CEP350: variants seen among roughly 807,000 people sequenced by gnomAD.
CEP350 encodes the protein centrosomal protein 350, also known as centrosome-associated protein 350.
In CEP350, 126 loss-of-function variants were observed where a neutral mutation model predicts 331.8. The observed-to-expected ratio is 0.38, with a 90% CI of 0.33 to 0.44. The LOEUF is 0.44. Ranked by LOEUF, CEP350 falls within the 20% of genes least tolerant of loss-of-function variation. The pLI, the probability that CEP350 is intolerant of heterozygous loss-of-function variation, is 1.00. For synonymous variants in CEP350, 1,200 were observed against 1,259.5 expected (o/e 0.95, Z 1.00); for missense variants, 3,406 against 3,634.6 (o/e 0.94, Z 1.62).
In CEP350 at chr1:180,110,986, C is replaced by T. The variant is rs1661443779; in HGVS notation, c.9190-11C>T. 2 of 1,612,270 alleles carry T rather than the reference C, an allele frequency of 1.2e-6. No homozygotes were observed. The highest frequency in any genetic ancestry group is 1.7e-4 in the Middle Eastern group (1 of 6,052). On this transcript the variant is annotated splice_polypyrimidine_tract_variant and intron_variant, in intron 37 of 37. Coordinates refer to ENST00000367607, the MANE Select transcript of CEP350 (RefSeq NM_014810.5). ...AGGAATTTTCTAACCTTATTGTCTT[C>T]TAAATCCTAGGTTCAGGAGCTCCAT... is the stretch of plus-strand genomic sequence containing the variant.
intron 1 of CEP350, among the ~76,000 whole-genome samples, chr1:179,975,378 C>T (rs558976442): frequency 6.6e-6 from 1 of 152,214 alleles, no homozygotes; most frequent in East Asian, 1.9e-4. Context: ...ATCAGAATTG[C>T]TAGGTTCTGT....
chr1:180,067,226 A>G (rs1395218358), intron 27 of CEP350, among the ~76,000 whole-genome samples: 2 of 152,082 alleles, frequency 1.3e-5, no homozygotes, highest in Non-Finnish European at 2.9e-5. Context: ...TTATTCCTCT[A>G]CCTTTCCTTG....
intron 32 of CEP350, among the ~76,000 whole-genome samples, chr1:180,088,775 G>A (rs980413833): frequency 1.3e-5 from 2 of 152,066 alleles, no homozygotes; most frequent in African/African-American, 4.8e-5. Flanking sequence ...AATAATACCT[G>A]GTTAATACAC....
At chr1:179,999,806 C>T (rs566889840) in intron 6 of CEP350, among the ~76,000 whole-genome samples, 51 of 152,218 alleles carry the variant, frequency 3.4e-4, no homozygotes, top group Non-Finnish European at 5.7e-4. Flanking sequence ...CAGTTATTAG[C>T]ATACTAAACT....
In CEP350 at chr1:180,094,232, T is replaced by G; in HGVS notation, c.8127T>G (p.Ala2709=). 3 of 1,613,016 alleles carry G rather than the reference T, an allele frequency of 1.9e-6. No individual in the cohort carries two copies. The highest frequency in any genetic ancestry group is 1.7e-6 in the Non-Finnish European group (2 of 1,179,518). The stretch of plus-strand genomic sequence containing the variant: ...CAGAAGAGGAAGACAACCTATATGC[T>G]GAAGCTTCAGAAAAGCTTTGTACAC... ...QFTEEEDNLY[A]EASEKLCTPL... Residue 2709 remains alanine, a synonymous_variant, in exon 34 of 38, where the codon GCT becomes GCG. Coordinates refer to ENST00000367607, the MANE Select transcript of CEP350 (RefSeq NM_014810.5).
rs1660280629 is a variant in CEP350 at position 180,092,888 on chromosome 1, A to C, written c.6783A>C (p.Ile2261=). ...ESSKKSEIKE[I]EYTKLKKSKI... The stretch of plus-strand genomic sequence containing the variant: ...GTAAAAAATCAGAAATAAAAGAAAT[A>C]GAGTATACAAAATTGAAGAAGAGTA... The change falls in exon 34 of 38, where the codon ATA becomes ATC. Residue 2261 remains isoleucine, a synonymous_variant. Coordinates refer to ENST00000367607, the MANE Select transcript of CEP350 (RefSeq NM_014810.5). 6.4e-7 allele frequency: 1 copy of C among 1,569,372 alleles called. No homozygotes were observed. The highest frequency in any genetic ancestry group is 1.2e-5 in the South Asian group (1 of 85,578).
chr1:180,088,965 C>T (rs1187716150), intron 32 of CEP350, among the ~76,000 whole-genome samples: 2 of 152,136 alleles, frequency 1.3e-5, no homozygotes, highest in African/African-American at 2.4e-5. Context: ...GATATGTTTC[C>T]TTCCAGGATT....
chr1:180,024,787 A>G (rs1203339277), intron 14 of CEP350, among the ~76,000 whole-genome samples: 1 of 152,200 alleles, frequency 6.6e-6, no homozygotes, highest in East Asian at 1.9e-4. Flanking sequence ...TACATTTGCA[A>G]TGATAAAAAA....
intron 25 of CEP350, among the ~76,000 whole-genome samples, chr1:180,061,654 G>A (rs921135189): frequency 1.3e-5 from 2 of 152,182 alleles, no homozygotes; most frequent in African/African-American, 4.8e-5. Flanking sequence ...AATGTTTCTG[G>A]TAGCATTGTA....
intron 1 of CEP350, among the ~76,000 whole-genome samples, chr1:179,970,093 C>G (rs920345213): frequency 6.6e-6 from 1 of 152,006 alleles, no homozygotes. Flanking sequence ...TGTTTGCTGC[C>G]CTCAGCTCTC....
At chr1:179,955,202 G>A in intron 1 of CEP350, 60 bp downstream of exon 1, 1 of 1,245,304 alleles carries the variant, frequency 8.0e-7, no homozygotes, top group South Asian at 1.6e-5. Flanking sequence ...AACTGTCTCT[G>A]TCCGCGGTCC....
In CEP350 at chr1:180,042,132, T is replaced by TCACACACACACA. The variant is rs59048123; in HGVS notation, c.4362+355_4362+366dup. On this transcript the variant is annotated intron_variant, in intron 19 of 37. Transcript: ENST00000367607. The stretch of plus-strand genomic sequence containing the variant: ...AGTATGCAATTTGGTGAGTTTTCTC[T>TCACACACACACA]CACACACACACACACACACACACAC... 3.5e-4 allele frequency among the ~76,000 whole-genome samples: 51 copies of TCACACACACACA among 146,868 alleles called. 1 individual carries two copies. The highest frequency in any genetic ancestry group is 3.3e-3 in the South Asian group (15 of 4,500).
At chr1:180,056,662 A>G (rs185639678) in intron 25 of CEP350, among the ~76,000 whole-genome samples, 47 of 151,910 alleles carry the variant, frequency 3.1e-4, no homozygotes, top group African/African-American at 1.0e-3. Context: ...GGGTTTCGCC[A>G]TGTTACCCAG....
chr1:180,071,154 A>AG (rs1418894789), intron 27 of CEP350, among the ~76,000 whole-genome samples: 2 of 150,464 alleles, frequency 1.3e-5, no homozygotes, highest in African/African-American at 4.9e-5. Flanking sequence ...CTCAAAAAAA[A>AG]AAAAAAAAAA....
chr1:180,090,299 C>A (rs889373650), intron 32 of CEP350, among the ~76,000 whole-genome samples: 24 of 151,996 alleles, frequency 1.6e-4, no homozygotes, highest in Non-Finnish European at 2.8e-4. Context: ...GTAATCCCAG[C>A]CCTTTGGGAG....
intron 14 of CEP350, among the ~76,000 whole-genome samples, chr1:180,029,837 C>A (rs913154660): frequency 6.6e-6 from 1 of 152,188 alleles, no homozygotes; most frequent in Admixed American, 6.5e-5. Context: ...CTCCTCTTCT[C>A]CCAGCACCTA....
At position 180,020,628 on chromosome 1, in the gene CEP350, T is replaced by C. The variant is rs144682847; in HGVS notation, c.2854T>C (p.Cys952Arg). Residue 952 changes from cysteine (C) to arginine (R), a missense_variant, in exon 12 of 38, where the codon TGT (cysteine) becomes CGT (arginine). By Grantham distance (180) the Cys-to-Arg change is radical. This residue lies in a region of CEP350 where 1,857 missense variants were observed against 1,909.2 expected (regional missense o/e 0.97). Transcript: ENST00000367607. ...PKPEGLLAQLCKRQTDSSSSD... is the reference protein window; with the variant it reads ...PKPEGLLAQLRKRQTDSSSSD... ...ACCAGAAGGGCTACTGGCACAGTTA[T>C]GTAAAAGGCAGACTGACTCTTCTAG... 8.7e-6 allele frequency: 14 copies of C among 1,613,840 alleles called. No individual in the cohort carries two copies. The African/African-American group carries it at 1.7e-4, about 20-fold the overall frequency.
chr1:180,022,718 A>G lies in CEP350; in HGVS notation c.3256A>G (p.Arg1086Gly). 2.5e-6 allele frequency: 4 copies of G among 1,612,598 alleles called. No homozygotes were observed. The highest frequency in any genetic ancestry group is 3.4e-6 in the Non-Finnish European group (4 of 1,179,220). ...GTCAGGGTTTGAAGACAAGTTGGAC[A>G]GAGGAACATCAACATCACGGCCTTT... ...YGKGFEDKLD[R>G]GTSTSRPLNA... Residue 1086 changes from arginine (R) to glycine (G), a missense_variant, in exon 13 of 38, where the codon AGA becomes GGA. Arg to Gly is a moderately radical substitution (Grantham distance 125). Around this residue, in one of 5 missense-constraint regions of CEP350, gnomAD observed 1,857 missense variants for 1,909.2 expected, o/e 0.97. Coordinates refer to ENST00000367607, the MANE Select transcript of CEP350 (RefSeq NM_014810.5).
intron 36 of CEP350, among the ~76,000 whole-genome samples, chr1:180,098,434 G>A (rs1571999032): frequency 6.6e-6 from 1 of 152,030 alleles, no homozygotes; most frequent in East Asian, 1.9e-4. Context: ...TGGACCTCCT[G>A]GGCTCAATCA....
Sources: gnomAD v4.1 joint callset for allele counts (sites outside exome capture counted in the v4.1 genomes callset) on GRCh38, gnomAD v4.1.1 for gene constraint, gnomAD v4.1.1 regional missense constraint, MANE v1.5 for transcripts, NCBI Gene and HGNC (gene_info 2026-07-23, HGNC 2026-07-21) for gene names.